The following COL4A5 variants were observed in gnomAD, a reference collection of about 807,000 sequenced individuals.
The protein encoded by COL4A5 is collagen alpha-5(IV) chain.
In COL4A5, 26 loss-of-function variants were observed where a neutral mutation model predicts 130.2. The ratio of observed to expected loss-of-function variants is 0.20; its 90% CI spans 0.15 to 0.28. COL4A5 has a LOEUF of 0.28. Among genes scored for constraint, COL4A5 ranks in the 10% least tolerant of loss-of-function variants. The pLI is 1.00. For synonymous variants in COL4A5, 496 were observed against 439.6 expected, an observed-to-expected ratio of 1.13 and a Z score of -1.60; for missense variants, 1,131 against 1,344.3, an observed-to-expected ratio of 0.84 and a Z score of 2.48.
chrX:108,596,882 A>G (rs2066524807), intron 22 of COL4A5, 116 bp from the exon 23 acceptor site: 1 of 749,694 alleles, frequency 1.3e-6, no homozygotes, highest in African/African-American at 2.1e-5. Context: ...TGGGGTTCTT[A>G]TTTTAAAAAC....
At chrX:108,588,314 T>A (rs2066370837) in intron 19 of COL4A5, among the ~76,000 whole-genome samples, 1 of 111,415 alleles carries the variant, frequency 9.0e-6, no homozygotes, top group Non-Finnish European at 1.9e-5. Flanking sequence ...TTCAGTGATC[T>A]TTCCCAAGAG....
intron 23 of COL4A5, 35 bp from the exon 24 acceptor site, chrX:108,597,342 C>T (rs768078113): frequency 1.6e-5 from 18 of 1,160,680 alleles, no homozygotes; most frequent in Non-Finnish European, 2.1e-5. Context: ...TCTTCTTTTT[C>T]CACTCTTTTT....
At chrX:108,460,468 C>A (rs10521517) in intron 1 of COL4A5, among the ~76,000 whole-genome samples, 11,085 of 107,703 alleles carry the variant, frequency 0.1, 1,292 homozygotes, top group African/African-American at 0.33. Context: ...TTCTTATGGT[C>A]AGGTGAGTTC....
At chrX:108,605,449 G>T (rs1431047639) in intron 28 of COL4A5, among the ~76,000 whole-genome samples, 1 of 111,669 alleles carries the variant, frequency 9.0e-6, no homozygotes, top group Non-Finnish European at 1.9e-5. Context: ...TACAGGCACA[G>T]TTTATGGTAC....
intron 2 of COL4A5, among the ~76,000 whole-genome samples, chrX:108,554,217 G>C (rs2065790741): frequency 9.0e-6 from 1 of 111,487 alleles, no homozygotes; most frequent in African/African-American, 3.3e-5. Flanking sequence ...CTCAAGACTG[G>C]GTAATTTATA....
chrX:108,562,758 G>C (rs2065914373), intron 3 of COL4A5, among the ~76,000 whole-genome samples: 1 of 111,555 alleles, frequency 9.0e-6, no homozygotes, highest in Non-Finnish European at 1.9e-5. Context: ...CAAAAAACTT[G>C]TAGGAGTATT....
At chrX:108,507,288 C>A (rs1399692463) in intron 1 of COL4A5, among the ~76,000 whole-genome samples, 1 of 108,063 alleles carries the variant, frequency 9.3e-6, no homozygotes, top group Admixed American at 9.8e-5. Context: ...AAACTTCAGG[C>A]CAATGTCCCT....
At chrX:108,500,760 G>A (rs1468001163) in intron 1 of COL4A5, among the ~76,000 whole-genome samples, 2 of 111,424 alleles carry the variant, frequency 1.8e-5, no homozygotes, top group African/African-American at 6.5e-5. Context: ...TTAACTTCTT[G>A]TTTGGCCTTG....
intron 39 of COL4A5, 109 bp from the exon 40 acceptor site, chrX:108,667,024 A>G: frequency 1.6e-6 from 1 of 632,156 alleles, no homozygotes; most frequent in South Asian, 2.4e-5. Context: ...CATATAATAT[A>G]CATTGCTGCA....
chrX:108,560,522 C>T (rs1362844832), intron 3 of COL4A5, among the ~76,000 whole-genome samples: 1 of 112,931 alleles, frequency 8.9e-6, no homozygotes, highest in Non-Finnish European at 1.9e-5. Context: ...GAGCGATGCT[C>T]ACAGTGAGAA....
At chrX:108,662,486 C>T (rs1300287845) in intron 37 of COL4A5, among the ~76,000 whole-genome samples, 2 of 111,473 alleles carry the variant, frequency 1.8e-5, no homozygotes, top group African/African-American at 6.5e-5. Context: ...AACCAATCTC[C>T]TTAAAGCTGG....
chrX:108,593,783 C>T (rs1271439603), intron 21 of COL4A5, among the ~76,000 whole-genome samples: 2 of 111,878 alleles, frequency 1.8e-5, no homozygotes, highest in Non-Finnish European at 3.8e-5. Flanking sequence ...TCTCTCTTTG[C>T]ACCAATACGA....
chrX:108,486,632 T>C (rs1019904050), intron 1 of COL4A5, among the ~76,000 whole-genome samples: 2 of 111,539 alleles, frequency 1.8e-5, no homozygotes, highest in Non-Finnish European at 3.8e-5. Flanking sequence ...TGCGTCCTCA[T>C]AGCTTAGCTC....
intron 36 of COL4A5, chrX:108,627,340 T>G: frequency 1.4e-6 from 1 of 726,221 alleles, no homozygotes; most frequent in African/African-American, 2.3e-5. Flanking sequence ...AGGCCCACTG[T>G]CAATAGTTGA....
intron 2 of COL4A5, among the ~76,000 whole-genome samples, chrX:108,555,975 T>C (rs1367862383): frequency 8.9e-6 from 1 of 112,275 alleles, no homozygotes; most frequent in East Asian, 2.8e-4. Flanking sequence ...ATTTACTGAG[T>C]ATTTGTTCTG....
chrX:108,534,901 G>C (rs1454697980), intron 1 of COL4A5, among the ~76,000 whole-genome samples: 1 of 110,436 alleles, frequency 9.1e-6, no homozygotes, highest in African/African-American at 3.3e-5. Flanking sequence ...CTTTAGTATT[G>C]TCTTTATTCC....
rs141804332 is a variant in COL4A5, at chrX:108,596,918, G to A, written c.1517-80G>A. ...TTGACTTTCTGACTTGATGATTTCT[G>A]TATGAGCTTTGTCAGGAGTTCAAGC... On this transcript the variant is annotated intron_variant, in intron 22 of 52. Coordinates refer to ENST00000328300, the MANE Select transcript of COL4A5 (RefSeq NM_033380.3). The A allele has an allele frequency of 2.5e-4, 247 of 983,672 alleles. No individual in the cohort carries two copies. The African/African-American group carries it at 4.2e-3, about 17-fold the overall frequency. 81.1% of individuals were successfully genotyped at this position (983,672 alleles called of 1,213,427 possible).
At chrX:108,477,815 CA>C (rs749101117) in intron 1 of COL4A5, among the ~76,000 whole-genome samples, 829 of 33,897 alleles carry the variant, frequency 0.024, 6 homozygotes, top group African/African-American at 0.067. Flanking sequence ...GACTTTGTCT[CA>C]AAAAAAAAAA....
intron 36 of COL4A5, among the ~76,000 whole-genome samples, chrX:108,651,764 ATTACC>A (rs1407683005): frequency 6.3e-5 from 7 of 111,656 alleles, no homozygotes; most frequent in Non-Finnish European, 9.4e-5. Context: ...TAAGTTCATC[ATTACC>A]TTAGACATAC....
Sources: gnomAD v4.1 joint callset for allele counts (sites outside exome capture counted in the v4.1 genomes callset) on GRCh38, gnomAD v4.1.1 for gene constraint, MANE v1.5 for transcripts, NCBI Gene and HGNC (gene_info 2026-07-23, HGNC 2026-07-21) for gene names.